UBL4B: variants seen among roughly 807,000 people sequenced by gnomAD.
UBL4B encodes the protein ubiquitin-like protein 4B.
For synonymous variants in UBL4B, 94 were observed against 92.8 expected (o/e 1.01, Z -0.08); for missense variants, 194 against 209.9 (o/e 0.92, Z 0.47).
Position 110,112,566 on chromosome 1 carries a change from A to G in UBL4B, c.32A>G (p.Gln11Arg), listed in dbSNP as rs1654819837. The change falls in exon 1 of 1, where the codon CAG becomes CGG. Residue 11 changes from glutamine to arginine, a missense_variant. Physicochemically the swap from Gln to Arg is conservative, Grantham distance 43. Transcript: ENST00000334179. ...CTCACAGTCAAGCTGCTCCTGGGCC[A>G]GAGATGCAGTCTGAAGGTGTCAGGG... is the stretch of plus-strand genomic sequence containing the variant. MFLTVKLLLG[Q>R]RCSLKVSGQE... 6.2e-7 allele frequency: 1 copy of G among 1,612,472 alleles called. No individual in the cohort carries two copies. The highest frequency in any genetic ancestry group is 8.5e-7 in the Non-Finnish European group (1 of 1,179,220).
Position 110,113,158 on chromosome 1 carries a change from G to A in UBL4B, c.*99G>A, listed in dbSNP as rs989830190. On this transcript the variant is annotated 3_prime_UTR_variant, in exon 1 of 1. Coordinates refer to ENST00000334179, the MANE Select transcript of UBL4B (RefSeq NM_203412.2). ...TACTACTTCCTGCTGATGTGGATGC[G>A]TCCACACCCCTTTTTGAACCTTCCA... 97 of 1,416,346 alleles carry A rather than the reference G, an allele frequency of 6.8e-5. No individual in the cohort carries two copies. The highest frequency in any genetic ancestry group is 1.4e-4 in the Admixed American group (5 of 35,292). The allele number at this position is 1,416,346 out of a possible 1,614,324, so 87.7% of individuals were successfully genotyped here.
rs780548051 is a variant in UBL4B at position 110,112,598 on chromosome 1, A to C, written c.64A>C (p.Ser22Arg). ...CAGTCTGAAGGTGTCAGGGCAAGAGAGTGTAGCCACGCTGAAGAGACTGGT... is the reference window on the plus strand; with the variant it reads ...CAGTCTGAAGGTGTCAGGGCAAGAGCGTGTAGCCACGCTGAAGAGACTGGT... ...RCSLKVSGQE[S>R]VATLKRLVSR... Residue 22 changes from serine (S) to arginine (R), a missense_variant, in exon 1 of 1, where the codon AGT (serine) becomes CGT (arginine). Coordinates refer to ENST00000334179, the MANE Select transcript of UBL4B (RefSeq NM_203412.2). The C allele has an allele frequency of 1.9e-6, 3 of 1,614,032 alleles. No individual in the cohort carries two copies. The highest frequency in any genetic ancestry group is 1.7e-5 in the Admixed American group (1 of 60,024).
In UBL4B at chr1:110,113,214, C is replaced by T; in HGVS notation, c.*155C>T. The T allele has an allele frequency of 1.8e-6, 2 of 1,091,184 alleles. No homozygotes were observed. The highest frequency in any genetic ancestry group is 1.3e-6 in the Non-Finnish European group (1 of 776,546). 67.6% of individuals were successfully genotyped at this position (1,091,184 alleles called of 1,614,324 possible). ...CTGGAGGGTTTTTGGATCCCTGTCCCCTCTTGGGCCTGAGGTCCTCCCTCT... is the reference window on the plus strand; with the variant it reads ...CTGGAGGGTTTTTGGATCCCTGTCCTCTCTTGGGCCTGAGGTCCTCCCTCT... On this transcript the variant is annotated 3_prime_UTR_variant, in exon 1 of 1. Transcript: ENST00000334179.
rs749069173 is a variant in UBL4B at position 110,113,924 on chromosome 1, G to A, written c.*865G>A. 2 of 166,926 alleles carry A rather than the reference G, an allele frequency of 1.2e-5. No homozygotes were observed. Among genetic ancestry groups the A allele is most frequent in the Non-Finnish European group, 2.9e-5 (2 of 68,150 alleles). 10.3% of individuals were successfully genotyped at this position (166,926 alleles called of 1,614,324 possible). On this transcript the variant is annotated 3_prime_UTR_variant, in exon 1 of 1. Transcript: ENST00000334179. ...CAGAGAGCTGCTATACATGTGAAAA[G>A]TAAAGTGGTGACATGAAACTAGAGT...
rs35483972 is a variant in UBL4B at position 110,112,950 on chromosome 1, C to G, written c.416C>G (p.Ala139Gly). The G allele has an allele frequency of 1.1e-3, 1,707 of 1,607,798 alleles. 8 individuals carry two copies. Among genetic ancestry groups the G allele is most frequent in the African/African-American group, 9.0e-3 (675 of 74,960 alleles). ...HLEQLAQYLL[A>G]EEPHVEPAGE... ...GAGCAGCTGGCCCAGTACCTCCTGG[C>G]AGAGGAGCCTCACGTGGAGCCAGCT... is the stretch of plus-strand genomic sequence containing the variant. The change falls in exon 1 of 1, where the codon GCA (alanine) becomes GGA (glycine). Residue 139 changes from alanine to glycine, a missense_variant. Ala to Gly is a moderately conservative substitution (Grantham distance 60, BLOSUM62 0). Coordinates refer to ENST00000334179, the MANE Select transcript of UBL4B (RefSeq NM_203412.2).
rs1383784560 is a variant in UBL4B at position 110,112,645 on chromosome 1, T to G, written c.111T>G (p.Pro37=). ...KRLVSRRLKV[P]EEQQHLLFRG... ...TGGTGTCCAGGCGGCTGAAGGTGCCTGAGGAGCAGCAGCACCTGCTTTTCC... is the reference window on the plus strand; with the variant it reads ...TGGTGTCCAGGCGGCTGAAGGTGCCGGAGGAGCAGCAGCACCTGCTTTTCC... Residue 37 remains proline (P), a synonymous_variant, in exon 1 of 1, where the codon CCT becomes CCG. Transcript: ENST00000334179. 1.2e-6 allele frequency: 2 copies of G among 1,614,022 alleles called. No homozygotes were observed. The highest frequency in any genetic ancestry group is 1.7e-6 in the Non-Finnish European group (2 of 1,180,038).
Position 110,113,165 on chromosome 1 carries a change from C to T in UBL4B, c.*106C>T. ...TCCTGCTGATGTGGATGCGTCCACACCCCTTTTTGAACCTTCCAAGCAGCT... is the reference window on the plus strand; with the variant it reads ...TCCTGCTGATGTGGATGCGTCCACATCCCTTTTTGAACCTTCCAAGCAGCT... On this transcript the variant is annotated 3_prime_UTR_variant, in exon 1 of 1. Coordinates refer to ENST00000334179, the MANE Select transcript of UBL4B (RefSeq NM_203412.2). 1.4e-6 allele frequency: 2 copies of T among 1,402,680 alleles called. No homozygotes were observed. The highest frequency in any genetic ancestry group is 1.9e-6 in the Non-Finnish European group (2 of 1,055,066). 86.9% of individuals were successfully genotyped at this position (1,402,680 alleles called of 1,614,324 possible).
In UBL4B at chr1:110,113,065, C is replaced by T. The variant is rs767631655; in HGVS notation, c.*6C>T. The T allele has an allele frequency of 5.2e-6, 8 of 1,542,736 alleles. No individual in the cohort carries two copies. Among genetic ancestry groups the T allele is most frequent in the Non-Finnish European group, 7.0e-6 (8 of 1,148,934 alleles). ...AGGCAGCAGCTGATCAGTAAACGGG[C>T]CATCCTACCCATTTGCATGCTAAAA... is the stretch of plus-strand genomic sequence containing the variant. On this transcript the variant is annotated 3_prime_UTR_variant, in exon 1 of 1. Coordinates refer to ENST00000334179, the MANE Select transcript of UBL4B (RefSeq NM_203412.2).
Position 110,112,918 on chromosome 1 carries a change from G to C in UBL4B, c.384G>C (p.Glu128Asp). The C allele has an allele frequency of 1.9e-6, 3 of 1,611,278 alleles. No individual in the cohort carries two copies. The South Asian group carries it at 3.3e-5, about 18-fold the overall frequency. The stretch of plus-strand genomic sequence containing the variant: ...AGCGCCTGCAGAAGATAAGCCTGGA[G>C]CACCTGGAGCAGCTGGCCCAGTACC... ...HEERLQKISL[E>D]HLEQLAQYLL... The change falls in exon 1 of 1, where the codon GAG becomes GAC. Residue 128 changes from glutamate to aspartate, a missense_variant. Transcript: ENST00000334179.
chr1:110,112,460 A>C lies in UBL4B; in HGVS notation c.-75A>C. The C allele has an allele frequency of 6.6e-7, 1 of 1,520,472 alleles. No individual in the cohort carries two copies. Among genetic ancestry groups the C allele is most frequent in the Non-Finnish European group, 8.8e-7 (1 of 1,133,310 alleles). The allele number at this position is 1,520,472 out of a possible 1,614,324, so 94.2% of individuals were successfully genotyped here. A position where few individuals can be genotyped will look rare whatever the true frequency, so the allele number is the denominator to read the frequency against. On this transcript the variant is annotated 5_prime_UTR_variant, in exon 1 of 1. Transcript: ENST00000334179. ...AGCCCTTTGTTGATAGGGAGAAGCC[A>C]ACATCTCCCGCAGGACCCCCTAATC...
In UBL4B at chr1:110,112,892, G is replaced by A. The variant is rs1204412548; in HGVS notation, c.358G>A (p.Glu120Lys). ...GCAGCTGCTAAGGCAGGAGCACGAGGAGCGCCTGCAGAAGATAAGCCTGGA... is the reference window on the plus strand; with the variant it reads ...GCAGCTGCTAAGGCAGGAGCACGAGAAGCGCCTGCAGAAGATAAGCCTGGA... The part of the protein sequence containing the change: ...VLQLLRQEHE[E>K]RLQKISLEHL... Residue 120 changes from glutamate to lysine, a missense_variant, in exon 1 of 1, where the codon GAG becomes AAG. Coordinates refer to ENST00000334179, the MANE Select transcript of UBL4B (RefSeq NM_203412.2). 2 of 1,613,080 alleles carry A rather than the reference G, an allele frequency of 1.2e-6. No homozygotes were observed. Among genetic ancestry groups the A allele is most frequent in the Non-Finnish European group, 1.7e-6 (2 of 1,179,880 alleles).
Position 110,113,106 on chromosome 1 carries a change from C to T in UBL4B, c.*47C>T. ...CATGCTAAAATTCTCCCGGCCTCAT[C>T]CTTACGTGTTCCCTGGTGACTTTTC... On this transcript the variant is annotated 3_prime_UTR_variant, in exon 1 of 1. Transcript: ENST00000334179. 12 of 1,508,484 alleles carry T rather than the reference C, an allele frequency of 8.0e-6. No homozygotes were observed. The highest frequency in any genetic ancestry group is 1.4e-5 in the South Asian group (1 of 72,880). The allele number at this position is 1,508,484 out of a possible 1,614,324, so 93.4% of individuals were successfully genotyped here. A position where few individuals can be genotyped will look rare whatever the true frequency, so the allele number is the denominator to read the frequency against.
Position 110,112,947 on chromosome 1 carries a change from T to C in UBL4B, c.413T>C (p.Leu138Pro), listed in dbSNP as rs1244937332. 6.2e-7 allele frequency: 1 copy of C among 1,608,032 alleles called. No individual in the cohort carries two copies. Among genetic ancestry groups the C allele is most frequent in the Non-Finnish European group, 8.5e-7 (1 of 1,177,514 alleles). ...EHLEQLAQYL[L>P]AEEPHVEPAG... ...CTGGAGCAGCTGGCCCAGTACCTCC[T>C]GGCAGAGGAGCCTCACGTGGAGCCA... The change falls in exon 1 of 1, where the codon CTG becomes CCG. Residue 138 changes from leucine to proline, a missense_variant. By Grantham distance (98) the Leu-to-Pro change is moderately conservative (BLOSUM62 -3). Coordinates refer to ENST00000334179, the MANE Select transcript of UBL4B (RefSeq NM_203412.2).
At position 110,113,292 on chromosome 1, in the gene UBL4B, G is replaced by C. The variant is rs916817538; in HGVS notation, c.*233G>C. 5.0e-6 allele frequency: 3 copies of C among 599,494 alleles called. No homozygotes were observed. The highest frequency in any genetic ancestry group is 6.4e-5 in the East Asian group (2 of 31,322). The allele number at this position is 599,494 out of a possible 1,614,324, so 37.1% of individuals were successfully genotyped here. A position where few individuals can be genotyped will look rare whatever the true frequency, so the allele number is the denominator to read the frequency against. On this transcript the variant is annotated 3_prime_UTR_variant, in exon 1 of 1. Transcript: ENST00000334179. ...ACCATGCTTCCCCTAGAAGGGTTCT[G>C]ATCACCGGAGGGCAGCCCCAAAGGC...
rs752406548 is a variant in UBL4B at position 110,112,556 on chromosome 1, C to T, written c.22C>T (p.Leu8Phe). 1.3e-5 allele frequency: 21 copies of T among 1,611,210 alleles called. No individual in the cohort carries two copies. Among genetic ancestry groups the T allele is most frequent in the Non-Finnish European group, 1.6e-5 (19 of 1,178,580 alleles). Residue 8 changes from leucine to phenylalanine, a missense_variant, in exon 1 of 1, where the codon CTC (leucine) becomes TTC (phenylalanine). By Grantham distance (22) the Leu-to-Phe change is conservative. Transcript: ENST00000334179. ...CCCGATGTTCCTCACAGTCAAGCTG[C>T]TCCTGGGCCAGAGATGCAGTCTGAA... MFLTVKL[L>F]LGQRCSLKVS...
Position 110,113,077 on chromosome 1 carries a change from T to C in UBL4B, c.*18T>C. The C allele has an allele frequency of 6.5e-7, 1 of 1,532,802 alleles. No individual in the cohort carries two copies. Among genetic ancestry groups the C allele is most frequent in the South Asian group, 1.3e-5 (1 of 76,418 alleles). The allele number at this position is 1,532,802 out of a possible 1,614,324, so 95.0% of individuals were successfully genotyped here. ...ATCAGTAAACGGGCCATCCTACCCA[T>C]TTGCATGCTAAAATTCTCCCGGCCT... On this transcript the variant is annotated 3_prime_UTR_variant, in exon 1 of 1. Coordinates refer to ENST00000334179, the MANE Select transcript of UBL4B (RefSeq NM_203412.2).
chr1:110,112,928 C>T lies in UBL4B; in HGVS notation c.394C>T (p.Gln132Ter). Residue 132 changes from glutamine (Q) to a stop codon, truncating the protein, a stop_gained, in exon 1 of 1, where the codon CAG becomes TAG. Coordinates refer to ENST00000334179, the MANE Select transcript of UBL4B (RefSeq NM_203412.2). LOFTEE classifies it low-confidence loss of function (END_TRUNC). Reference protein sequence around the residue: ...LQKISLEHLEQLAQYLLAEEP... With the variant: ...LQKISLEHLE ...GAAGATAAGCCTGGAGCACCTGGAG[C>T]AGCTGGCCCAGTACCTCCTGGCAGA... 6.2e-7 allele frequency: 1 copy of T among 1,609,782 alleles called. No individual in the cohort carries two copies. Among genetic ancestry groups the T allele is most frequent in the Middle Eastern group, 1.7e-4 (1 of 6,024 alleles).
At position 110,112,895 on chromosome 1, in the gene UBL4B, C is replaced by T. The variant is rs758813408; in HGVS notation, c.361C>T (p.Arg121Cys). Reference sequence around the variant, plus strand: ...GCTGCTAAGGCAGGAGCACGAGGAGCGCCTGCAGAAGATAAGCCTGGAGCA... The same window carrying T: ...GCTGCTAAGGCAGGAGCACGAGGAGTGCCTGCAGAAGATAAGCCTGGAGCA... ...LQLLRQEHEE[R>C]LQKISLEHLE... The change falls in exon 1 of 1, where the codon CGC becomes TGC. Residue 121 changes from arginine (R) to cysteine (C), a missense_variant. Coordinates refer to ENST00000334179, the MANE Select transcript of UBL4B (RefSeq NM_203412.2). The T allele has an allele frequency of 4.2e-5, 67 of 1,612,926 alleles. 1 individual carries two copies. Among genetic ancestry groups the T allele is most frequent in the Admixed American group, 3.7e-4 (22 of 59,896 alleles).
Position 110,112,492 on chromosome 1 carries a change from G to C in UBL4B, c.-43G>C. ...CCCGCAGGACCCCCTAATCTTCAGG[G>C]CAGCTCCCAGAGCATGGATCCCTCC... is the stretch of plus-strand genomic sequence containing the variant. On this transcript the variant is annotated 5_prime_UTR_variant, in exon 1 of 1. Transcript: ENST00000334179. 8 of 1,559,358 alleles carry C rather than the reference G, an allele frequency of 5.1e-6. No individual in the cohort carries two copies. The highest frequency in any genetic ancestry group is 6.9e-6 in the Non-Finnish European group (8 of 1,152,260).
Sources: gnomAD v4.1 joint callset for allele counts on GRCh38, gnomAD v4.1.1 for gene constraint, MANE v1.5 for transcripts, NCBI Gene and HGNC (gene_info 2026-07-23, HGNC 2026-07-21) for gene names.